SLC22A3: variants seen among roughly 807,000 people sequenced by gnomAD.
The protein encoded by SLC22A3 is EMT organic cation transporter 3.
SLC22A3 carries 51 observed loss-of-function variants against 59.1 expected under a neutral mutation model. The observed-to-expected ratio is 0.86, with a 90% confidence interval of 0.69 to 1.09. The LOEUF (loss-of-function observed/expected upper bound fraction) is 1.09, where lower values mean the gene tolerates loss of function less well. SLC22A3 is among the 50% of genes least tolerant of loss of function. The pLI is 0.00. For synonymous variants in SLC22A3, 325 were observed against 292.0 expected (o/e 1.11, Z -1.15); for missense variants, 711 against 726.3 (o/e 0.98, Z 0.24).
intron 10 of SLC22A3, among the ~76,000 whole-genome samples, chr6:160,450,321 C>T (rs1049915069): frequency 2.0e-5 from 3 of 152,168 alleles, no homozygotes; most frequent in African/African-American, 7.2e-5. Flanking sequence ...TCCCTACTTG[C>T]ACATCCATTT....
At chr6:160,441,412 C>A (rs940912490) in intron 7 of SLC22A3, among the ~76,000 whole-genome samples, 1 of 152,154 alleles carries the variant, frequency 6.6e-6, no homozygotes, top group East Asian at 1.9e-4. Flanking sequence ...GGCCTCCTCA[C>A]TGCCTGATAT....
chr6:160,421,693 A>G (rs4708867), intron 5 of SLC22A3, among the ~76,000 whole-genome samples: 15,376 of 152,112 alleles, frequency 0.1, 1,092 homozygotes, highest in Admixed American at 0.24. Context: ...CTTTTCTGGG[A>G]GTTGTGTAGG....
chr6:160,408,732 C>T (rs758646546), intron 3 of SLC22A3, 21 bp from the exon 4 acceptor site: 1 of 1,612,898 alleles, frequency 6.2e-7, no homozygotes, highest in Non-Finnish European at 8.5e-7. Context: ...TCTGTGACCT[C>T]TTGTGTTTGT....
intron 7 of SLC22A3, among the ~76,000 whole-genome samples, chr6:160,438,001 G>A (rs1022765576): frequency 4.6e-5 from 7 of 152,168 alleles, no homozygotes; most frequent in Non-Finnish European, 8.8e-5. Context: ...GTGAGCTTGC[G>A]GAGGAGGAGG....
rs562298999 is a variant in SLC22A3 at position 160,387,333 on chromosome 6, C to T, written c.430-10646C>T. On this transcript the variant is annotated intron_variant, in intron 1 of 10. Transcript: ENST00000275300. ...GGAGGCCAAAGACAAACTCTTCTCACTGCCTGTAAGTGAGCAGGAGTCTGA... is the reference window on the plus strand; with the variant it reads ...GGAGGCCAAAGACAAACTCTTCTCATTGCCTGTAAGTGAGCAGGAGTCTGA... Among the ~76,000 whole-genome samples the T allele has an allele frequency of 7.9e-5, 12 of 152,288 alleles. 1 individual carries two copies. In the South Asian group the frequency reaches 2.1e-3, roughly 26 times the overall value.
intron 5 of SLC22A3, among the ~76,000 whole-genome samples, chr6:160,435,436 G>C (rs1328960511): frequency 1.3e-5 from 2 of 152,220 alleles, no homozygotes; most frequent in African/African-American, 4.8e-5. Flanking sequence ...TCTTGGTATA[G>C]AAGAAATACA....
intron 1 of SLC22A3, among the ~76,000 whole-genome samples, chr6:160,390,686 A>G (rs1217155001): frequency 6.6e-6 from 1 of 152,164 alleles, no homozygotes; most frequent in Non-Finnish European, 1.5e-5. Context: ...CCTGAATTCC[A>G]AGGAGTGAGA....
At chr6:160,439,419 GAT>G (rs368382225) in intron 7 of SLC22A3, among the ~76,000 whole-genome samples, 1 of 151,590 alleles carries the variant, frequency 6.6e-6, no homozygotes, top group Non-Finnish European at 1.5e-5. Context: ...CTCATTTCAT[GAT>G]ATATATATAT....
chr6:160,410,748 C>G lies in SLC22A3; in HGVS notation c.877C>G (p.Arg293Gly). Reference sequence around the variant, plus strand: ...TGCCAGGGTGGTCCCTGAGTCTCCCCGTTGGCTGATTACTCGGAAGAAAGG... The same window carrying G: ...TGCCAGGGTGGTCCCTGAGTCTCCCGGTTGGCTGATTACTCGGAAGAAAGG... The part of the protein sequence containing the change: ...LYYWVVPESP[R>G]WLITRKKGDK... The change falls in exon 5 of 11, where the codon CGT becomes GGT. Residue 293 changes from arginine to glycine, a missense_variant. Physicochemically the swap from Arg to Gly is moderately radical, Grantham distance 125. Coordinates refer to ENST00000275300, the MANE Select transcript of SLC22A3 (RefSeq NM_021977.4). 1 of 1,612,792 alleles carries G rather than the reference C, an allele frequency of 6.2e-7. No homozygotes were observed. The highest frequency in any genetic ancestry group is 8.5e-7 in the Non-Finnish European group (1 of 1,179,076).
chr6:160,348,849 G>C lies in SLC22A3; in HGVS notation c.429+1G>C. The C allele has an allele frequency of 6.3e-7, 1 of 1,581,778 alleles. No individual in the cohort carries two copies. Among genetic ancestry groups the C allele is most frequent in the Non-Finnish European group, 8.5e-7 (1 of 1,172,308 alleles). On this transcript the variant is annotated splice_donor_variant, in intron 1 of 10. Coordinates refer to ENST00000275300, the MANE Select transcript of SLC22A3 (RefSeq NM_021977.4). LOFTEE classifies it high-confidence loss of function. ...GGCCCACTCCACCATCGTCAGCGAGGTAAGGGCGCCCCGGCCCTTTGGAAG... is the reference window on the plus strand; with the variant it reads ...GGCCCACTCCACCATCGTCAGCGAGCTAAGGGCGCCCCGGCCCTTTGGAAG...
Position 160,408,889 on chromosome 6 carries a change from G to A in SLC22A3, c.825G>A (p.Thr275=), listed in dbSNP as rs749727181. 1.4e-5 allele frequency: 23 copies of A among 1,613,474 alleles called. No homozygotes were observed. Among genetic ancestry groups the A allele is most frequent in the Admixed American group, 5.0e-5 (3 of 59,910 alleles). ...GGCAAGGAATCCAGTTAGCCATCAC[G>A]CTGCCCAGCTTTCTCTTCCTCCTTT... The part of the protein sequence containing the change: ...PNWQGIQLAI[T]LPSFLFLLYY... Residue 275 remains threonine (T), a synonymous_variant, in exon 4 of 11, where the codon ACG becomes ACA. Coordinates refer to ENST00000275300, the MANE Select transcript of SLC22A3 (RefSeq NM_021977.4).
At chr6:160,397,231 C>T (rs1510225) in intron 1 of SLC22A3, among the ~76,000 whole-genome samples, 37,939 of 151,894 alleles carry the variant, frequency 0.25, 5,076 homozygotes, top group South Asian at 0.37. Context: ...AGTGCGCAAC[C>T]GAGATTTCAT....
intron 5 of SLC22A3, among the ~76,000 whole-genome samples, chr6:160,419,592 CAAAG>C (rs1452473101): frequency 6.6e-6 from 1 of 152,194 alleles, no homozygotes; most frequent in East Asian, 1.9e-4. Flanking sequence ...GTCTCAAAAA[CAAAG>C]AAAGTCTCAA....
rs569322752 is a variant in SLC22A3, at chr6:160,388,755, C to T, written c.430-9224C>T. Among the ~76,000 whole-genome samples, 32 of 152,152 alleles carry T rather than the reference C, an allele frequency of 2.1e-4. No individual in the cohort carries two copies. In the South Asian group the frequency reaches 5.4e-3, roughly 26 times the overall value. ...CCACCTTATTCACTATTTTTATTTTCTTACAAATAAACTTTACAGGAATCA... is the reference window on the plus strand; with the variant it reads ...CCACCTTATTCACTATTTTTATTTTTTTACAAATAAACTTTACAGGAATCA... On this transcript the variant is annotated intron_variant, in intron 1 of 10. Coordinates refer to ENST00000275300, the MANE Select transcript of SLC22A3 (RefSeq NM_021977.4).
intron 5 of SLC22A3, among the ~76,000 whole-genome samples, chr6:160,413,755 T>G (rs1362519624): frequency 1.3e-5 from 2 of 152,306 alleles, no homozygotes; most frequent in East Asian, 3.9e-4. Flanking sequence ...AATATAAATA[T>G]AAAACTAATA....
chr6:160,432,530 C>T lies in SLC22A3; in HGVS notation c.976-4250C>T, dbSNP rs529191541. Among the ~76,000 whole-genome samples, 793 of 150,294 alleles carry T rather than the reference C, an allele frequency of 5.3e-3. 2 individuals carry two copies. The highest frequency in any genetic ancestry group is 0.01 in the Middle Eastern group (3 of 292). ...TGCAACTCCGCCTCCCAGGTTCAAA[C>T]GATTCTCCTGCCTCAGCCTCCCGAG... On this transcript the variant is annotated intron_variant, in intron 5 of 10. Coordinates refer to ENST00000275300, the MANE Select transcript of SLC22A3 (RefSeq NM_021977.4).
intron 1 of SLC22A3, among the ~76,000 whole-genome samples, chr6:160,352,853 G>T (rs772865378): frequency 1.3e-5 from 2 of 152,086 alleles, no homozygotes. Context: ...ACAAAGTCTC[G>T]CTATGTCACC....
chr6:160,384,181 C>T (rs960953639), intron 1 of SLC22A3, among the ~76,000 whole-genome samples: 2 of 152,162 alleles, frequency 1.3e-5, no homozygotes, highest in East Asian at 1.9e-4. Context: ...CTGCCCACCT[C>T]GGCCTCCCAA....
intron 1 of SLC22A3, among the ~76,000 whole-genome samples, chr6:160,380,325 C>T (rs1785749954): frequency 6.6e-6 from 1 of 151,806 alleles, no homozygotes; most frequent in South Asian, 2.1e-4. Context: ...GTTTAGTATC[C>T]CTTTTTTGAA....
Sources: allele counts gnomAD v4.1 joint callset (sites outside exome capture counted in the v4.1 genomes callset), GRCh38; gene constraint gnomAD v4.1.1; transcripts MANE v1.5; gene names NCBI Gene and HGNC (gene_info 2026-07-23, HGNC 2026-07-21).